Variants in ADAMTS9 observed in about 807,000 individuals in gnomAD.
The protein encoded by ADAMTS9 is A disintegrin and metalloproteinase with thrombospondin motifs 9.
In ADAMTS9, 107 loss-of-function variants were observed where a neutral mutation model predicts 257.1. That is an observed-to-expected ratio of 0.42 (90% CI 0.36 to 0.49). ADAMTS9 has a LOEUF of 0.49. Ranked by LOEUF, ADAMTS9 falls within the 20% of genes least tolerant of loss-of-function variation. ADAMTS9 has a pLI of 0.03. For synonymous variants in ADAMTS9, 982 were observed against 880.9 expected, an observed-to-expected ratio of 1.11 and a Z score of -2.03; for missense variants, 2,353 against 2,469.1, an observed-to-expected ratio of 0.95 and a Z score of 1.00.
intron 38 of ADAMTS9, among the ~76,000 whole-genome samples, chr3:64,529,096 T>A (rs2082945898): frequency 1.3e-5 from 2 of 152,218 alleles, no homozygotes; most frequent in African/African-American, 4.8e-5. Flanking sequence ...ATTCTCACCT[T>A]GTTATCCCAA....
intron 3 of ADAMTS9, among the ~76,000 whole-genome samples, chr3:64,660,678 T>A (rs1020668905): frequency 6.6e-6 from 1 of 152,222 alleles, no homozygotes; most frequent in Non-Finnish European, 1.5e-5. Context: ...TGCAGTGTTG[T>A]GTTTAAGGAA....
intron 22 of ADAMTS9, among the ~76,000 whole-genome samples, chr3:64,610,550 CAAGG>C (rs2084646237): frequency 1.3e-5 from 2 of 151,660 alleles, no homozygotes; most frequent in Non-Finnish European, 2.9e-5. Flanking sequence ...GACACTTCTC[CAAGG>C]AAGATATATT....
chr3:64,608,680 T>C (rs1312775424), intron 22 of ADAMTS9, among the ~76,000 whole-genome samples: 1 of 152,056 alleles, frequency 6.6e-6, no homozygotes, highest in East Asian at 1.9e-4. Context: ...ACCAGTTCAC[T>C]CATGAATTTT....
intron 38 of ADAMTS9, 33 bp downstream of exon 38, chr3:64,533,133 A>C (rs947550956): frequency 1.3e-6 from 2 of 1,560,822 alleles, no homozygotes; most frequent in Non-Finnish European, 1.8e-6. Context: ...AAGAAATAAA[A>C]ATTCATCTCC....
At chr3:64,534,887 T>G (rs2083029691) in intron 37 of ADAMTS9, among the ~76,000 whole-genome samples, 1 of 152,144 alleles carries the variant, frequency 6.6e-6, no homozygotes, top group Admixed American at 6.5e-5. Context: ...CGAAAAGTGC[T>G]GAGGCTGATT....
At chr3:64,606,545 A>G (rs914050457) in intron 23 of ADAMTS9, among the ~76,000 whole-genome samples, 28 of 152,322 alleles carry the variant, frequency 1.8e-4, no homozygotes, top group Non-Finnish European at 3.8e-4. Context: ...AGTAATGGTT[A>G]TACTTAATAA....
chr3:64,520,039 A>G (rs902350859), intron 39 of ADAMTS9, among the ~76,000 whole-genome samples: 1 of 152,216 alleles, frequency 6.6e-6, no homozygotes, highest in Non-Finnish European at 1.5e-5. Context: ...CTATACAAAG[A>G]AAACCCTAAA....
chr3:64,528,779 T>C (rs2082941686), intron 38 of ADAMTS9, among the ~76,000 whole-genome samples: 1 of 152,230 alleles, frequency 6.6e-6, no homozygotes, highest in South Asian at 2.1e-4. Flanking sequence ...CAGCTTTACA[T>C]TTTTATTTCA....
chr3:64,653,028 G>A (rs928428131), intron 8 of ADAMTS9, among the ~76,000 whole-genome samples: 1 of 152,146 alleles, frequency 6.6e-6, no homozygotes, highest in Non-Finnish European at 1.5e-5. Context: ...CCATCCCCAA[G>A]ATATCTCATT....
At chr3:64,643,445 A>ATTTTTT (rs57471985) in intron 11 of ADAMTS9, among the ~76,000 whole-genome samples, 8 of 61,404 alleles carry the variant, frequency 1.3e-4, no homozygotes, top group Admixed American at 2.4e-4. Context: ...TTACTCAATA[A>ATTTTTT]TTTTTTTTTT....
rs150532739 is a variant in ADAMTS9 at position 64,562,122 on chromosome 3, C to T, written c.4525-371G>A. 6.6e-5 allele frequency among the ~76,000 whole-genome samples: 10 copies of T among 152,268 alleles called. No individual in the cohort carries two copies. The East Asian group carries it at 1.9e-3, about 29-fold the overall frequency. ...GATTTCTATCCTGGAGGATTTGAGA[C>T]TCATGAAAACTGGAGAGACAGTGTT... On this transcript the variant is annotated intron_variant, in intron 29 of 39. Transcript: ENST00000498707.
chr3:64,611,765 T>G (rs1290409904), intron 22 of ADAMTS9, among the ~76,000 whole-genome samples: 1 of 152,182 alleles, frequency 6.6e-6, no homozygotes, highest in Non-Finnish European at 1.5e-5. Context: ...ACTGTTGCTG[T>G]GCAGCCTGGT....
At position 64,541,171 on chromosome 3, in the gene ADAMTS9, A is replaced by T; in HGVS notation, c.5445T>A (p.Cys1815Ter). The T allele has an allele frequency of 6.2e-7, 1 of 1,614,136 alleles. No individual in the cohort carries two copies. The highest frequency in any genetic ancestry group is 8.5e-7 in the Non-Finnish European group (1 of 1,180,024). The change falls in exon 36 of 40, where the codon TGT becomes TGA. Residue 1815 changes from cysteine to a stop codon, truncating the protein, a stop_gained. Coordinates refer to ENST00000498707, the MANE Select transcript of ADAMTS9 (RefSeq NM_182920.2). LOFTEE classifies it high-confidence loss of function. Reference protein sequence around the residue: ...YNGSRRDDCQCRKDYTAAGFS... With the variant: ...YNGSRRDDCQ ...ACCCAGCGGCCGTGTAATCCTTCCGACATTGGCAGTCATCGCGCCGGCTCC... is the reference window on the plus strand; with the variant it reads ...ACCCAGCGGCCGTGTAATCCTTCCGTCATTGGCAGTCATCGCGCCGGCTCC...
intron 4 of ADAMTS9, among the ~76,000 whole-genome samples, chr3:64,657,064 A>G (rs918472018): frequency 6.6e-6 from 1 of 152,192 alleles, no homozygotes; most frequent in Non-Finnish European, 1.5e-5. Flanking sequence ...TGTGTAATAC[A>G]GTATGTGAAA....
intron 4 of ADAMTS9, among the ~76,000 whole-genome samples, chr3:64,657,475 A>G (rs990196826): frequency 1.3e-5 from 2 of 151,278 alleles, no homozygotes; most frequent in South Asian, 2.1e-4. Flanking sequence ...ACCTGAGCCT[A>G]CTATAGGTAT....
At chr3:64,634,359 T>C (rs1053052805) in intron 12 of ADAMTS9, among the ~76,000 whole-genome samples, 12 of 152,198 alleles carry the variant, frequency 7.9e-5, no homozygotes, top group Non-Finnish European at 1.6e-4. Flanking sequence ...ACTTGTTCCC[T>C]CACACCTCCA....
intron 30 of ADAMTS9, chr3:64,561,220 C>G (rs4688211): frequency 0.042 from 7,444 of 179,084 alleles, 435 homozygotes; most frequent in East Asian, 0.2. Context: ...TAAACAGATA[C>G]AGAATGACCA....
At chr3:64,599,019 AC>A (rs2041024490) in intron 26 of ADAMTS9, among the ~76,000 whole-genome samples, 1 of 152,134 alleles carries the variant, frequency 6.6e-6, no homozygotes, top group South Asian at 2.1e-4. Context: ...AAGGATGAAC[AC>A]CTGATCCATG....
intron 14 of ADAMTS9, among the ~76,000 whole-genome samples, chr3:64,632,161 C>G (rs1272629336): frequency 2.0e-5 from 3 of 152,078 alleles, no homozygotes; most frequent in African/African-American, 7.2e-5. Context: ...CAGGACCCAC[C>G]CAGATCTACT....
Sources: gnomAD v4.1 joint callset for allele counts (sites outside exome capture counted in the v4.1 genomes callset) on GRCh38, gnomAD v4.1.1 for gene constraint, MANE v1.5 for transcripts, NCBI Gene and HGNC (gene_info 2026-07-23, HGNC 2026-07-21) for gene names.